Variants in PAK1 observed in about 807,000 individuals in gnomAD.
PAK1 encodes serine/threonine-protein kinase PAK 1.
A neutral mutation model predicts 67.4 loss-of-function variants in PAK1; 29 were observed. The observed-to-expected ratio is 0.43, with a 90% CI of 0.32 to 0.59. The LOEUF (loss-of-function observed/expected upper bound fraction) is 0.59, where lower values mean the gene tolerates loss of function less well. Among genes scored for constraint, PAK1 ranks in the 20% least tolerant of loss-of-function variants. PAK1 has a pLI of 0.07. For synonymous variants in PAK1, 223 were observed against 237.4 expected (o/e 0.94, Z 0.56); for missense variants, 337 against 670.7 (o/e 0.50, Z 5.50).
chr11:77,407,162 A>C (rs1953710322), intron 1 of PAK1, among the ~76,000 whole-genome samples: 1 of 152,256 alleles, frequency 6.6e-6, no homozygotes, highest in Non-Finnish European at 1.5e-5. Context: ...TAAGTGGTAG[A>C]ACCAGGATTT....
chr11:77,343,946 A>G lies in PAK1; in HGVS notation c.886-15T>C. The G allele has an allele frequency of 6.5e-7, 1 of 1,531,268 alleles. No individual in the cohort carries two copies. The highest frequency in any genetic ancestry group is 9.1e-7 in the Non-Finnish European group (1 of 1,104,508). The allele number at this position is 1,531,268 out of a possible 1,614,324, so 94.9% of individuals were successfully genotyped here. On this transcript the variant is annotated splice_polypyrimidine_tract_variant and intron_variant, in intron 9 of 14. Coordinates refer to ENST00000356341, the MANE Select transcript of PAK1 (RefSeq NM_002576.5). ...TTAATGGCCACCTGAAATCAAGAGT[A>G]TATTCAATGTGCAACCATAGTCATT...
At chr11:77,427,414 A>G (rs1955607806) in intron 1 of PAK1, among the ~76,000 whole-genome samples, 1 of 152,160 alleles carries the variant, frequency 6.6e-6, no homozygotes, top group African/African-American at 2.4e-5. Flanking sequence ...TTTACTAAAG[A>G]GGAGAATAGT....
chr11:77,505,613 C>T, the PAK1 span, among the ~76,000 whole-genome samples: 1 of 152,214 alleles, frequency 6.6e-6, no homozygotes, highest in Non-Finnish European at 1.5e-5. Flanking sequence ...TACTTTTTGC[C>T]TCTATGAATT....
intron 1 of PAK1, among the ~76,000 whole-genome samples, chr11:77,438,347 G>A (rs1956217335): frequency 6.6e-6 from 1 of 152,078 alleles, no homozygotes; most frequent in Admixed American, 6.5e-5. Flanking sequence ...CCATTCCCAT[G>A]ATCCAACCAC....
chr11:77,342,216 C>G (rs1943713479), intron 10 of PAK1, among the ~76,000 whole-genome samples: 1 of 150,090 alleles, frequency 6.7e-6, no homozygotes, highest in African/African-American at 2.5e-5. Flanking sequence ...CTTCCATGAC[C>G]TTACAGAGGT....
chr11:77,527,277 A>AT, the PAK1 span, among the ~76,000 whole-genome samples: 2 of 151,132 alleles, frequency 1.3e-5, no homozygotes, highest in Non-Finnish European at 3.0e-5. Flanking sequence ...TAATTTTTGT[A>AT]TTTTTTGTAG....
chr11:77,341,737 G>A (rs913323511), intron 10 of PAK1, among the ~76,000 whole-genome samples: 7 of 152,312 alleles, frequency 4.6e-5, no homozygotes, highest in African/African-American at 1.7e-4. Flanking sequence ...CTTGAACTGT[G>A]TGGTATCATC....
chr11:77,476,100 G>A (rs892120160), upstream of PAK1: 1 of 152,234 alleles, frequency 6.6e-6, no homozygotes, highest in East Asian at 1.9e-4. Flanking sequence ...AACCCAGGAG[G>A]CGGTGGTTGT....
intron 1 of PAK1, among the ~76,000 whole-genome samples, chr11:77,403,841 T>A (rs1953055159): frequency 6.6e-6 from 1 of 152,216 alleles, no homozygotes; most frequent in Non-Finnish European, 1.5e-5. Flanking sequence ...GGAAACTTAA[T>A]CCTCACTGCA....
intron 5 of PAK1, among the ~76,000 whole-genome samples, chr11:77,367,811 T>C (rs973582887): frequency 6.6e-6 from 1 of 152,096 alleles, no homozygotes; most frequent in Admixed American, 6.6e-5. Context: ...ACCCCGTCTC[T>C]ACTAATATAC....
the PAK1 span, among the ~76,000 whole-genome samples, chr11:77,517,827 C>T: frequency 0.64 from 97,165 of 151,958 alleles, 31,428 homozygotes; most frequent in African/African-American, 0.73. Context: ...CATCAGGCAT[C>T]AGATTCTCAT....
At position 77,325,504 on chromosome 11, in the gene PAK1, T is replaced by A. The variant is rs1939585815; in HGVS notation, c.1552-2144A>T. 4.5e-6 allele frequency: 4 copies of A among 888,530 alleles called. No individual in the cohort carries two copies. In the South Asian group the frequency reaches 7.7e-5, roughly 17 times the overall value. The allele number at this position is 888,530 out of a possible 1,614,324, so 55.0% of individuals were successfully genotyped here. ...ATGGTAAAGATTCAATATAACCCAT[T>A]TATTACTAGTTATATTACTATATCA... On this transcript the variant is annotated intron_variant, in intron 14 of 14. Coordinates refer to ENST00000356341, the MANE Select transcript of PAK1 (RefSeq NM_002576.5).
intron 2 of PAK1, among the ~76,000 whole-genome samples, chr11:77,381,497 A>T (rs1171706384): frequency 1.3e-5 from 2 of 152,260 alleles, no homozygotes; most frequent in African/African-American, 4.8e-5. Context: ...CTGGCATCAA[A>T]GCCAAGGCTC....
At chr11:77,454,177 C>T (rs957861264) in intron 1 of PAK1, among the ~76,000 whole-genome samples, 5 of 152,190 alleles carry the variant, frequency 3.3e-5, no homozygotes, top group African/African-American at 1.2e-4. Context: ...GGCACTTCCA[C>T]ATATATTTGT....
At chr11:77,424,407 C>G (rs1393255066) in intron 1 of PAK1, among the ~76,000 whole-genome samples, 1 of 152,220 alleles carries the variant, frequency 6.6e-6, no homozygotes, top group Non-Finnish European at 1.5e-5. Flanking sequence ...CTTTAGGGAA[C>G]TGCATATTTG....
chr11:77,433,534 C>T (rs1231563697), intron 1 of PAK1, among the ~76,000 whole-genome samples: 1 of 152,056 alleles, frequency 6.6e-6, no homozygotes, highest in African/African-American at 2.4e-5. Context: ...AATCCCAGCA[C>T]TTTGGGGGGC....
At chr11:77,460,884 G>A (rs1002024847) in intron 1 of PAK1, among the ~76,000 whole-genome samples, 11 of 152,046 alleles carry the variant, frequency 7.2e-5, no homozygotes, top group African/African-American at 2.7e-4. Flanking sequence ...GAGGTAAAGG[G>A]CAGAAAAAAA....
chr11:77,411,312 C>G (rs1207943991), intron 1 of PAK1, among the ~76,000 whole-genome samples: 2 of 152,044 alleles, frequency 1.3e-5, no homozygotes, highest in Non-Finnish European at 2.9e-5. Flanking sequence ...CTTCACTGCA[C>G]AGATATGGCA....
intron 1 of PAK1, among the ~76,000 whole-genome samples, chr11:77,446,479 T>G (rs947025650): frequency 8.2e-6 from 1 of 121,258 alleles, no homozygotes; most frequent in East Asian, 2.6e-4. Flanking sequence ...GCCACTACAC[T>G]CCAGCCTGAG....
Sources: gnomAD v4.1 joint callset for allele counts (sites outside exome capture counted in the v4.1 genomes callset) on GRCh38, gnomAD v4.1.1 for gene constraint, MANE v1.5 for transcripts, NCBI Gene and HGNC (gene_info 2026-07-23, HGNC 2026-07-21) for gene names.